Variants in USH2A observed in about 807,000 individuals in gnomAD.
The protein encoded by USH2A is Usher syndrome 2A (autosomal recessive, mild).
USH2A carries 443 observed loss-of-function variants against 538.9 expected under a neutral mutation model. The observed-to-expected ratio is 0.82, with a 90% CI of 0.76 to 0.89. The LOEUF (loss-of-function observed/expected upper bound fraction) is 0.89. Among genes scored for constraint, USH2A ranks in the 40% least tolerant of loss-of-function variants. The pLI is 0.00. For missense variants in USH2A, 6,633 were observed against 6,324.8 expected, an observed-to-expected ratio of 1.05 and a Z score of -1.65; for synonymous variants, 2,413 against 2,273.5, an observed-to-expected ratio of 1.06 and a Z score of -1.75.
intron 30 of USH2A, among the ~76,000 whole-genome samples, chr1:216,067,764 G>T (rs1429846115): frequency 6.6e-6 from 1 of 152,080 alleles, no homozygotes. Flanking sequence ...TGGGTAGAAG[G>T]TGAGAGACAT....
At chr1:216,109,294 G>A (rs78512998) in intron 21 of USH2A, among the ~76,000 whole-genome samples, 3,980 of 152,068 alleles carry the variant, frequency 0.026, 192 homozygotes, top group African/African-American at 0.089. Flanking sequence ...ATCTTACTAG[G>A]CTACATTGTT....
intron 70 of USH2A, among the ~76,000 whole-genome samples, chr1:215,631,501 C>A (rs889854699): frequency 2.0e-5 from 3 of 152,164 alleles, no homozygotes; most frequent in African/African-American, 7.2e-5. Context: ...TTTGTGAGAG[C>A]AGTTTGGTTT....
chr1:216,415,062 T>C (rs935916589), intron 3 of USH2A, among the ~76,000 whole-genome samples: 3 of 152,104 alleles, frequency 2.0e-5, no homozygotes, highest in African/African-American at 4.8e-5. Flanking sequence ...AATGTTTTTA[T>C]GTAAATGCCA....
chr1:216,241,287 T>C (rs2035931688), intron 13 of USH2A, among the ~76,000 whole-genome samples: 1 of 152,286 alleles, frequency 6.6e-6, no homozygotes, highest in Non-Finnish European at 1.5e-5. Flanking sequence ...AGAATAAACA[T>C]CTAAAGGAGT....
intron 4 of USH2A, among the ~76,000 whole-genome samples, 200 bp from the exon 5 acceptor site, chr1:216,327,854 C>A (rs1177929334): frequency 6.6e-6 from 1 of 152,134 alleles, no homozygotes; most frequent in Non-Finnish European, 1.5e-5. Flanking sequence ...TCTCCATGGA[C>A]ACTGTAGGAC....
chr1:216,206,268 A>G (rs1365861350), intron 16 of USH2A, among the ~76,000 whole-genome samples: 1 of 152,122 alleles, frequency 6.6e-6, no homozygotes, highest in Non-Finnish European at 1.5e-5. Context: ...GATTATTTTA[A>G]TAACTTTATT....
chr1:216,083,496 A>C lies in USH2A; in HGVS notation c.5258T>G (p.Leu1753Arg). Reference protein sequence around the residue: ...KFRTDQLNGLLLFVYNKDGPD... With the variant: ...KFRTDQLNGLRLFVYNKDGPD... ...TCCATCTTTGTTATAAACGAAAAGA[A>C]GCAATCCATTTAATTGGTCAGTTCT... Residue 1753 changes from leucine (L) to arginine (R), a missense_variant, in exon 26 of 72, where the codon CTT (leucine) becomes CGT (arginine). Coordinates refer to ENST00000307340, the MANE Select transcript of USH2A (RefSeq NM_206933.4). The C allele has an allele frequency of 6.2e-7, 1 of 1,612,616 alleles. No individual in the cohort carries two copies.
chr1:215,702,645 G>A (rs1284835901), intron 61 of USH2A, among the ~76,000 whole-genome samples: 3 of 151,542 alleles, frequency 2.0e-5, no homozygotes, highest in African/African-American at 7.3e-5. Flanking sequence ...AAGTTCTAGT[G>A]CTGTGTTTTT....
In USH2A at chr1:215,675,543, T is replaced by C; in HGVS notation, c.12368A>G (p.Asp4123Gly). 1 of 1,613,936 alleles carries C rather than the reference T, an allele frequency of 6.2e-7. No individual in the cohort carries two copies. The stretch of plus-strand genomic sequence containing the variant: ...GGTCAGTGTGTAGAGAGTGAAAGGA[T>C]CCAGGCGGCGGAAGAGAAACTGACG... Reference protein sequence around the residue: ...LNRQFLFRRLDPFTLYTLTLE... With the variant: ...LNRQFLFRRLGPFTLYTLTLE... Residue 4123 changes from aspartate to glycine, a missense_variant, in exon 63 of 72, where the codon GAT becomes GGT. Coordinates refer to ENST00000307340, the MANE Select transcript of USH2A (RefSeq NM_206933.4).
intron 24 of USH2A, 179 bp from the exon 25 acceptor site, chr1:216,085,056 A>G: frequency 1.5e-6 from 1 of 645,686 alleles, no homozygotes; most frequent in South Asian, 1.9e-5. Context: ...GATAGCAATT[A>G]TAATGTTTAG....
chr1:216,156,295 C>CTTTTTTTTTTTTTTTT lies in USH2A; in HGVS notation c.4627+18941_4627+18956dup, dbSNP rs35698520. On this transcript the variant is annotated intron_variant, in intron 21 of 71. Transcript: ENST00000307340. ...TTCTTTCTTTCTTTCTTTTTTTTTT[C>CTTTTTTTTTTTTTTTT]TTTTTTTTTTTTTTTTTGGCCTAGC... is the stretch of plus-strand genomic sequence containing the variant. 7.2e-4 allele frequency among the ~76,000 whole-genome samples: 76 copies of CTTTTTTTTTTTTTTTT among 105,494 alleles called. 1 individual carries two copies. The highest frequency in any genetic ancestry group is 1.3e-3 in the South Asian group (4 of 3,022). The allele number at this position is 105,494 out of a possible 152,430, so 69.2% of individuals were successfully genotyped here. A position where few individuals can be genotyped will look rare whatever the true frequency, so the allele number is the denominator to read the frequency against.
At position 215,766,787 on chromosome 1, in the gene USH2A, A is replaced by G. The variant is rs563945220; in HGVS notation, c.10941T>C (p.Gly3647=). 10 of 1,613,326 alleles carry G rather than the reference A, an allele frequency of 6.2e-6. No individual in the cohort carries two copies. The African/African-American group carries it at 1.3e-4, about 22-fold the overall frequency. ...AGCTGTAGTTGGTGTATGGCTGGAG[A>G]CCTAGAAAAAGCAAGCAAGAAATAA... ...TTDRRQHTVT[G]LQPYTNYSFT... The change falls in exon 56 of 72, where the codon GGT becomes GGC. Residue 3647 remains glycine (G), a splice_region_variant and synonymous_variant. Coordinates refer to ENST00000307340, the MANE Select transcript of USH2A (RefSeq NM_206933.4).
chr1:216,271,376 G>A (rs1463237076), intron 11 of USH2A, among the ~76,000 whole-genome samples: 1 of 152,112 alleles, frequency 6.6e-6, no homozygotes, highest in Non-Finnish European at 1.5e-5. Context: ...CTTTACGAAG[G>A]AGAGTAGTGT....
At chr1:215,673,241 C>G (rs964301372) in intron 63 of USH2A, among the ~76,000 whole-genome samples, 2 of 152,042 alleles carry the variant, frequency 1.3e-5, no homozygotes, top group Middle Eastern at 6.8e-3. Context: ...CACTATATAT[C>G]AGAGGTAATT....
Position 215,833,194 on chromosome 1 carries a change from T to C in USH2A, c.9371+4797A>G, listed in dbSNP as rs190075852. 3.3e-5 allele frequency among the ~76,000 whole-genome samples: 5 copies of C among 152,054 alleles called. No homozygotes were observed. The East Asian group carries it at 9.7e-4, about 29-fold the overall frequency. On this transcript the variant is annotated intron_variant, in intron 47 of 71. Coordinates refer to ENST00000307340, the MANE Select transcript of USH2A (RefSeq NM_206933.4). ...AAATCACATGTTTTGTAGATATCAA[T>C]GACCTGTTTCTGAAATTTATATGGA...
At chr1:216,000,283 A>T in intron 33 of USH2A, 120 bp downstream of exon 33, 5 of 1,315,714 alleles carry the variant, frequency 3.8e-6, no homozygotes, top group Non-Finnish European at 5.4e-6. Flanking sequence ...CACTGAACTA[A>T]TCACTTCTAT....
At position 215,679,965 on chromosome 1, in the gene USH2A, A is replaced by T. The variant is rs140857296; in HGVS notation, c.12294+184T>A. ...AGAGCATTTAGCTCAGTGTTGGGTT[A>T]TAGGAAGCATCACACATCTAAGCTA... On this transcript the variant is annotated intron_variant, in intron 62 of 71. Coordinates refer to ENST00000307340, the MANE Select transcript of USH2A (RefSeq NM_206933.4). 5.5e-3 allele frequency among the ~76,000 whole-genome samples: 833 copies of T among 152,330 alleles called. 8 individuals are homozygous for T. Among genetic ancestry groups the T allele is most frequent in the African/African-American group, 0.019 (774 of 41,570 alleles).
intron 55 of USH2A, among the ~76,000 whole-genome samples, chr1:215,773,522 CTCTCTCTCTCTGTCTT>C (rs1661360841): frequency 1.3e-5 from 2 of 150,732 alleles, no homozygotes; most frequent in East Asian, 3.9e-4. Context: ...GTCTCTCTCT[CTCTCTCTCTCTGTCTT>C]TCTCTCTCTC....
intron 30 of USH2A, among the ~76,000 whole-genome samples, chr1:216,066,293 AC>A (rs1221042086): frequency 1.3e-5 from 2 of 151,854 alleles, no homozygotes; most frequent in Non-Finnish European, 2.9e-5. Flanking sequence ...ACATGGTGAA[AC>A]CCTGTCTCCA....
Sources: gnomAD v4.1 joint callset for allele counts (sites outside exome capture counted in the v4.1 genomes callset) on GRCh38, gnomAD v4.1.1 for gene constraint, MANE v1.5 for transcripts, NCBI Gene and HGNC (gene_info 2026-07-23, HGNC 2026-07-21) for gene names.